Variants in KIF13B observed in about 807,000 individuals in gnomAD.
KIF13B encodes the protein kinesin family member 13B.
Under a neutral mutation model 222.0 loss-of-function variants are expected in KIF13B, and 127 were observed. That is an observed-to-expected ratio of 0.57 (90% CI 0.50 to 0.66). The LOEUF is 0.66. Ranked by LOEUF, KIF13B falls within the 30% of genes least tolerant of loss-of-function variation. The pLI is 0.00. For synonymous variants in KIF13B, 976 were observed against 919.0 expected, an observed-to-expected ratio of 1.06 and a Z score of -1.12; for missense variants, 2,173 against 2,379.0, an observed-to-expected ratio of 0.91 and a Z score of 1.80.
chr8:29,104,776 C>T (rs1563703657), intron 35 of KIF13B, among the ~76,000 whole-genome samples: 2 of 152,050 alleles, frequency 1.3e-5, no homozygotes, highest in South Asian at 2.1e-4. Context: ...GACAGAGTCT[C>T]GCTGTCGCCC....
intron 18 of KIF13B, among the ~76,000 whole-genome samples, chr8:29,143,910 C>A (rs967680079): frequency 8.6e-5 from 13 of 151,562 alleles, no homozygotes; most frequent in African/African-American, 2.9e-4. Context: ...CACCTCCCCC[C>A]CAAAAAAAGT....
intron 18 of KIF13B, among the ~76,000 whole-genome samples, chr8:29,143,289 G>C (rs760106473): frequency 3.3e-5 from 5 of 152,222 alleles, no homozygotes; most frequent in Non-Finnish European, 7.3e-5. Context: ...AAAGTTTGCT[G>C]CGGTGTATGG....
At chr8:29,230,659 A>G (rs1423221345) in intron 2 of KIF13B, among the ~76,000 whole-genome samples, 1 of 152,214 alleles carries the variant, frequency 6.6e-6, no homozygotes. Context: ...GAGCACGTGA[A>G]GCTGGCGTGA....
rs536738883 is a variant in KIF13B, at chr8:29,070,747, G to A, written c.5238C>T (p.Ile1746=). 8.8e-6 allele frequency: 14 copies of A among 1,586,630 alleles called. No individual in the cohort carries two copies. The highest frequency in any genetic ancestry group is 5.4e-5 in the African/African-American group (4 of 74,506). ...DLPSGKNDGS[I]GGKQYFRCNP... is the part of the protein sequence containing the mutation. Reference sequence around the variant, plus strand: ...TACACCTGAAGTACTGCTTCCCGCCGATGGAACCGTCATTCTTACCTGCGG... The same window carrying A: ...TACACCTGAAGTACTGCTTCCCGCCAATGGAACCGTCATTCTTACCTGCGG... The change falls in exon 40 of 40, where the codon ATC becomes ATT. Residue 1746 remains isoleucine, a synonymous_variant. Transcript: ENST00000524189. The surrounding 1 kb of genome is among the most constrained non-coding windows in gnomAD (Gnocchi z 4.1).
chr8:29,256,919 T>TA (rs1313214379), intron 1 of KIF13B, among the ~76,000 whole-genome samples: 1 of 152,068 alleles, frequency 6.6e-6, no homozygotes, highest in African/African-American at 2.4e-5. Flanking sequence ...CACACCCAGC[T>TA]AGTTTCTGTA....
chr8:29,224,421 G>C (rs948712659), intron 2 of KIF13B, among the ~76,000 whole-genome samples: 3 of 152,152 alleles, frequency 2.0e-5, no homozygotes, highest in African/African-American at 7.2e-5. Context: ...TAACTAACAA[G>C]GTCTAGCATT....
At chr8:29,225,710 C>T (rs1814990542) in intron 2 of KIF13B, among the ~76,000 whole-genome samples, 2 of 152,190 alleles carry the variant, frequency 1.3e-5, no homozygotes, top group Non-Finnish European at 2.9e-5. Flanking sequence ...GCGTCTCTCT[C>T]CAACTAAAGA....
Position 29,067,385 on chromosome 8 carries a change from C to T in KIF13B, c.*3119G>A, listed in dbSNP as rs1473077339. On this transcript the variant is annotated 3_prime_UTR_variant, in exon 40 of 40. Coordinates refer to ENST00000524189, the MANE Select transcript of KIF13B (RefSeq NM_015254.4). The stretch of plus-strand genomic sequence containing the variant: ...GTTTAGTTCATTACATGATACAAAT[C>T]ATTAGAGTCTTTACAAGTCATTAGA... 6.6e-6 allele frequency: 1 copy of T among 152,598 alleles called. No individual in the cohort carries two copies. The highest frequency in any genetic ancestry group is 6.5e-5 in the Admixed American group (1 of 15,288). The allele number at this position is 152,598 out of a possible 1,614,324, so 9.5% of individuals were successfully genotyped here. A position where few individuals can be genotyped will look rare whatever the true frequency, so the allele number is the denominator to read the frequency against.
chr8:29,210,318 C>A (rs1171443340), intron 2 of KIF13B, among the ~76,000 whole-genome samples: 1 of 152,136 alleles, frequency 6.6e-6, no homozygotes, highest in East Asian at 1.9e-4. Flanking sequence ...GACAGCCCTA[C>A]AGATCTACTC....
intron 37 of KIF13B, among the ~76,000 whole-genome samples, chr8:29,086,029 T>C (rs927782449): frequency 1.3e-5 from 2 of 152,132 alleles, no homozygotes; most frequent in Admixed American, 1.3e-4. Context: ...TGAATGCTTA[T>C]ATAGTCAGCT....
At chr8:29,140,231 T>G in intron 20 of KIF13B, 40 bp from the exon 21 acceptor site, 1 of 1,611,130 alleles carries the variant, frequency 6.2e-7, no homozygotes, top group Non-Finnish European at 8.5e-7. Flanking sequence ...TCTCCAGATT[T>G]GGTTCGTGCT....
In KIF13B at chr8:29,134,088, AGAG is replaced by A. The variant is rs866497810; in HGVS notation, c.2733_2735del (p.Ser913del). 2.5e-5 allele frequency: 40 copies of A among 1,613,926 alleles called. No individual in the cohort carries two copies. Among genetic ancestry groups the A allele is most frequent in the Non-Finnish European group, 2.7e-5 (32 of 1,179,902 alleles). Reference sequence around the variant, plus strand: ...TGCAGTGCGGCTCCTTGCTGACGGAAGAGGAGGAGGTGTCCACTTCAGGAGCGA... The same window carrying A: ...TGCAGTGCGGCTCCTTGCTGACGGAAGAGGAGGTGTCCACTTCAGGAGCGA... On this transcript the variant is annotated inframe_deletion, in exon 22 of 40. Transcript: ENST00000524189.
At chr8:29,140,757 T>G in intron 19 of KIF13B, 140 bp from the exon 20 acceptor site, 1 of 793,774 alleles carries the variant, frequency 1.3e-6, no homozygotes, top group Non-Finnish European at 1.9e-6. Context: ...AGTAAAACAT[T>G]CTAAAGTTTT....
chr8:29,161,701 C>A (rs370677648), intron 12 of KIF13B, among the ~76,000 whole-genome samples: 7 of 146,978 alleles, frequency 4.8e-5, no homozygotes, highest in African/African-American at 1.5e-4. Flanking sequence ...ATCTCAAAAC[C>A]CCCCCCCAAA....
At chr8:29,215,666 G>C (rs1385128087) in intron 2 of KIF13B, among the ~76,000 whole-genome samples, 1 of 152,182 alleles carries the variant, frequency 6.6e-6, no homozygotes, top group East Asian at 1.9e-4. Flanking sequence ...CACTCCAGCA[G>C]GGACGACAAG....
chr8:29,256,718 C>T (rs1816490307), intron 1 of KIF13B, among the ~76,000 whole-genome samples: 3 of 152,170 alleles, frequency 2.0e-5, no homozygotes, highest in Middle Eastern at 3.4e-3. Context: ...CTCTGAGGTT[C>T]TGCTACATAG....
intron 37 of KIF13B, among the ~76,000 whole-genome samples, chr8:29,078,059 G>A (rs1807643627): frequency 6.7e-6 from 1 of 148,314 alleles, no homozygotes. Flanking sequence ...GCAGCAGGAG[G>A]ATCACCTGAG....
intron 29 of KIF13B, 123 bp from the exon 30 acceptor site, chr8:29,119,115 A>C (rs1332062038): frequency 9.7e-7 from 1 of 1,028,710 alleles, no homozygotes; most frequent in Admixed American, 2.4e-5. Flanking sequence ...TTGCTCTGAA[A>C]TCTTACATGA....
intron 10 of KIF13B, among the ~76,000 whole-genome samples, chr8:29,168,009 A>G (rs980847320): frequency 6.6e-6 from 1 of 152,230 alleles, no homozygotes; most frequent in African/African-American, 2.4e-5. Flanking sequence ...AACCCCCTGT[A>G]CTGGGAGTCT....
Sources: gnomAD v4.1 joint callset for allele counts (sites outside exome capture counted in the v4.1 genomes callset) on GRCh38, gnomAD v4.1.1 for gene constraint, Gnocchi (gnomAD v3.1) non-coding constraint, MANE v1.5 for transcripts, NCBI Gene and HGNC (gene_info 2026-07-23, HGNC 2026-07-21) for gene names.